FHIT: variants seen among roughly 807,000 people sequenced by gnomAD.
FHIT encodes fragile histidine triad diadenosine triphosphatase.
Under a neutral mutation model 17.9 loss-of-function variants are expected in FHIT, and 19 were observed. The ratio of observed to expected loss-of-function variants is 1.06; its 90% CI spans 0.74 to 1.56. FHIT has a LOEUF of 1.56. Ranked by LOEUF, FHIT falls within the 40% of genes most tolerant of loss-of-function variation. The pLI, the probability that FHIT is intolerant of heterozygous loss-of-function variation, is 0.00. For synonymous variants in FHIT, 81 were observed against 69.7 expected, an observed-to-expected ratio of 1.16 and a Z score of -0.81; for missense variants, 248 against 189.2, an observed-to-expected ratio of 1.31 and a Z score of -1.82.
intron 5 of FHIT, among the ~76,000 whole-genome samples, chr3:60,396,798 T>C (rs950391872): frequency 1.3e-5 from 2 of 152,214 alleles, no homozygotes; most frequent in African/African-American, 4.8e-5. Context: ...TTATGTGAAT[T>C]ACATCTCAAT....
chr3:61,202,252 C>T (rs1388531745), intron 1 of FHIT, among the ~76,000 whole-genome samples: 1 of 151,390 alleles, frequency 6.6e-6, no homozygotes, highest in African/African-American at 2.4e-5. Flanking sequence ...TGCCCGGCCG[C>T]CCAACTATCT....
At chr3:61,122,862 G>A (rs2036498632) in intron 2 of FHIT, among the ~76,000 whole-genome samples, 1 of 152,160 alleles carries the variant, frequency 6.6e-6, no homozygotes, top group Non-Finnish European at 1.5e-5. Flanking sequence ...AACAAATGCT[G>A]GAGAGGATGT....
chr3:60,080,628 A>G (rs1352251053), intron 5 of FHIT, among the ~76,000 whole-genome samples: 1 of 152,114 alleles, frequency 6.6e-6, no homozygotes, highest in Non-Finnish European at 1.5e-5. Flanking sequence ...CTGGCTGGAG[A>G]CTGCACGAAA....
intron 8 of FHIT, among the ~76,000 whole-genome samples, chr3:59,849,113 G>A (rs1360525615): frequency 6.6e-6 from 1 of 152,186 alleles, no homozygotes; most frequent in African/African-American, 2.4e-5. Context: ...GCTCATGCCT[G>A]TAATCTCAGC....
intron 8 of FHIT, among the ~76,000 whole-genome samples, chr3:59,770,692 G>A (rs1161596516): frequency 6.6e-6 from 1 of 152,142 alleles, no homozygotes; most frequent in Non-Finnish European, 1.5e-5. Flanking sequence ...CTTGATTACG[G>A]CAGCCCTAGC....
At chr3:60,725,928 C>T (rs2041908407) in intron 4 of FHIT, among the ~76,000 whole-genome samples, 1 of 151,906 alleles carries the variant, frequency 6.6e-6, no homozygotes, top group Non-Finnish European at 1.5e-5. Context: ...TTAAGGCTCA[C>T]TGATGTAAAA....
chr3:60,722,158 G>A (rs1322859897), intron 4 of FHIT, among the ~76,000 whole-genome samples: 5 of 152,158 alleles, frequency 3.3e-5, no homozygotes, highest in Non-Finnish European at 7.3e-5. Context: ...TTCTATCCTT[G>A]CACATTCCTC....
In FHIT at chr3:61,105,556, T is replaced by C. The variant is rs551203240; in HGVS notation, c.-163-63457A>G. ...AATAAAAGTGAGTGACTTTTTTAAA[T>C]TAAAATAATAATAATAAAAAAAAAG... On this transcript the variant is annotated intron_variant, in intron 2 of 9. Coordinates refer to ENST00000492590, the MANE Select transcript of FHIT (RefSeq NM_002012.4). Among the ~76,000 whole-genome samples the C allele has an allele frequency of 2.6e-5, 4 of 152,102 alleles. No homozygotes were observed. The South Asian group carries it at 8.3e-4, about 32-fold the overall frequency.
At chr3:60,294,746 A>G (rs1376434411) in intron 5 of FHIT, among the ~76,000 whole-genome samples, 1 of 152,060 alleles carries the variant, frequency 6.6e-6, no homozygotes, top group Non-Finnish European at 1.5e-5. Flanking sequence ...CTCCATTTCT[A>G]TACTTTTGTC....
intron 4 of FHIT, among the ~76,000 whole-genome samples, chr3:60,607,527 T>C (rs1386941101): frequency 6.6e-6 from 1 of 151,936 alleles, no homozygotes; most frequent in African/African-American, 2.4e-5. Context: ...CTCATCAGGG[T>C]GAGACAGATT....
chr3:60,896,106 CATTATGA>C (rs1241787439), intron 3 of FHIT, among the ~76,000 whole-genome samples: 1 of 152,098 alleles, frequency 6.6e-6, no homozygotes, highest in African/African-American at 2.4e-5. Context: ...TGCGCATACT[CATTATGA>C]GAATCTAACT....
intron 3 of FHIT, among the ~76,000 whole-genome samples, chr3:60,951,156 G>C: frequency 6.6e-6 from 1 of 152,026 alleles, no homozygotes; most frequent in East Asian, 1.9e-4. Context: ...AGTATGTACT[G>C]TTTTATCATA....
intron 5 of FHIT, among the ~76,000 whole-genome samples, chr3:60,296,921 C>CAAA (rs34680230): frequency 8.7e-6 from 1 of 115,268 alleles, no homozygotes; most frequent in African/African-American, 3.0e-5. Flanking sequence ...TTTATTTTTG[C>CAAA]AAAAAAAAAA....
chr3:60,708,882 T>TG (rs782781188), intron 4 of FHIT, among the ~76,000 whole-genome samples: 1 of 152,186 alleles, frequency 6.6e-6, no homozygotes, highest in Non-Finnish European at 1.5e-5. Flanking sequence ...TGAATCTCCA[T>TG]GGGGGGCTGT....
intron 8 of FHIT, among the ~76,000 whole-genome samples, chr3:59,859,469 G>A (rs993109831): frequency 2.0e-5 from 3 of 152,220 alleles, no homozygotes; most frequent in Non-Finnish European, 2.9e-5. Context: ...TGTAATCCCA[G>A]CACTTTGGGA....
At chr3:60,317,451 A>G (rs1363398019) in intron 5 of FHIT, among the ~76,000 whole-genome samples, 2 of 151,324 alleles carry the variant, frequency 1.3e-5, no homozygotes, top group Non-Finnish European at 2.9e-5. Flanking sequence ...TCACCCCCAG[A>G]TCTCATAAAA....
chr3:60,027,118 C>G (rs981407187), intron 5 of FHIT, among the ~76,000 whole-genome samples: 1 of 123,578 alleles, frequency 8.1e-6, no homozygotes, highest in African/African-American at 3.5e-5. Context: ...GACACACACA[C>G]ACACACACAC....
chr3:60,827,572 C>T lies in FHIT; in HGVS notation c.-110-5561G>A, dbSNP rs944372628. Among the ~76,000 whole-genome samples, 6 of 152,152 alleles carry T rather than the reference C, an allele frequency of 3.9e-5. 1 individual carries two copies. The highest frequency in any genetic ancestry group is 1.9e-4 in the East Asian group (1 of 5,194). On this transcript the variant is annotated intron_variant, in intron 3 of 9. Transcript: ENST00000492590. ...CACATGGAAATTAGACTTTTCAGAGCTACTACACTGAATCATTTAATTTGT... is the reference window on the plus strand; with the variant it reads ...CACATGGAAATTAGACTTTTCAGAGTTACTACACTGAATCATTTAATTTGT...
intron 5 of FHIT, among the ~76,000 whole-genome samples, chr3:60,108,722 G>C (rs1704537673): frequency 6.7e-6 from 1 of 149,706 alleles, no homozygotes; most frequent in Non-Finnish European, 1.5e-5. Context: ...GGAGTCCAAT[G>C]GCTTGACCTC....
Sources: allele counts gnomAD v4.1 joint callset (sites outside exome capture counted in the v4.1 genomes callset), GRCh38; gene constraint gnomAD v4.1.1; transcripts MANE v1.5; gene names NCBI Gene and HGNC (gene_info 2026-07-23, HGNC 2026-07-21).